PHLDB2: variants seen among roughly 807,000 people sequenced by gnomAD.
PHLDB2 encodes pleckstrin homology-like domain family B member 2.
PHLDB2 carries 71 observed loss-of-function variants against 123.6 expected under a neutral mutation model. The ratio of observed to expected loss-of-function variants is 0.57; its 90% CI spans 0.47 to 0.70. PHLDB2 has a LOEUF of 0.70. PHLDB2 is among the 30% of genes least tolerant of loss of function. The pLI, the probability that PHLDB2 is intolerant of heterozygous loss-of-function variation, is 0.00. For missense variants in PHLDB2, 1,446 were observed against 1,519.5 expected, an observed-to-expected ratio of 0.95 and a Z score of 0.80; for synonymous variants, 547 against 541.6, an observed-to-expected ratio of 1.01 and a Z score of -0.14.
At chr3:111,828,740 G>A (rs75496269) in intron 1 of PHLDB2, among the ~76,000 whole-genome samples, 88 of 152,192 alleles carry the variant, frequency 5.8e-4, no homozygotes, top group African/African-American at 2.1e-3. Context: ...CCAAGATTGC[G>A]CCACAGCACT....
At chr3:111,774,870 T>C (rs6800065) in intron 1 of PHLDB2, among the ~76,000 whole-genome samples, 40,658 of 151,986 alleles carry the variant, frequency 0.27, 6,887 homozygotes, top group African/African-American at 0.48. Context: ...CTCTGTGCTG[T>C]TGAGAAACCC....
intron 5 of PHLDB2, among the ~76,000 whole-genome samples, chr3:111,926,466 C>T (rs2068817314): frequency 6.6e-6 from 1 of 152,060 alleles, no homozygotes; most frequent in Admixed American, 6.6e-5. Context: ...AAGTTGGCTC[C>T]CTGGTCAGAG....
At chr3:111,794,372 G>A (rs1447570303) in intron 1 of PHLDB2, among the ~76,000 whole-genome samples, 1 of 152,158 alleles carries the variant, frequency 6.6e-6, no homozygotes, top group Non-Finnish European at 1.5e-5. Flanking sequence ...CTGCGGAATA[G>A]AGGAGGGGTG....
chr3:111,871,780 T>TTAG (rs1330882700), intron 1 of PHLDB2, among the ~76,000 whole-genome samples: 1 of 152,256 alleles, frequency 6.6e-6, no homozygotes, highest in Non-Finnish European at 1.5e-5. Flanking sequence ...TTGAAGGGGA[T>TTAG]TAGCTTCATT....
rs190599120 is a variant in PHLDB2, at chr3:111,802,168, T to C, written c.-48-43653T>C. On this transcript the variant is annotated intron_variant, in intron 1 of 17. Transcript: ENST00000393923. ...CCTAGTTCAGGCTTTCTCCAGTCTATCAAGCTACTGCACAGAAAACTGCAG... is the reference window on the plus strand; with the variant it reads ...CCTAGTTCAGGCTTTCTCCAGTCTACCAAGCTACTGCACAGAAAACTGCAG... Among the ~76,000 whole-genome samples the C allele has an allele frequency of 3.9e-3, 589 of 152,356 alleles. 2 individuals carry two copies. Among genetic ancestry groups the C allele is most frequent in the South Asian group, 0.012 (60 of 4,826 alleles).
At chr3:111,908,551 C>A (rs557563895) in intron 2 of PHLDB2, among the ~76,000 whole-genome samples, 11 of 152,284 alleles carry the variant, frequency 7.2e-5, no homozygotes, top group African/African-American at 2.6e-4. Context: ...CATGTTAGAG[C>A]AAGGCATGTG....
At chr3:111,940,427 T>A in intron 7 of PHLDB2, 108 bp from the exon 8 acceptor site, 1 of 552,470 alleles carries the variant, frequency 1.8e-6, no homozygotes. Context: ...TAAAATGTAG[T>A]CACTGTTATT....
At chr3:111,813,314 A>AAATC (rs1340140812) in intron 1 of PHLDB2, among the ~76,000 whole-genome samples, 1 of 152,204 alleles carries the variant, frequency 6.6e-6, no homozygotes, top group Non-Finnish European at 1.5e-5. Context: ...ATAAATAAAT[A>AAATC]AATCCATGTA....
In PHLDB2 at chr3:111,884,564, T is replaced by A. The variant is rs757064217; in HGVS notation, c.487T>A (p.Ser163Thr). 6.2e-7 allele frequency: 1 copy of A among 1,614,092 alleles called. No individual in the cohort carries two copies. Among genetic ancestry groups the A allele is most frequent in the South Asian group, 1.1e-5 (1 of 91,078 alleles). Residue 163 changes from serine to threonine, a missense_variant, in exon 2 of 18, where the codon TCT becomes ACT. This residue lies in a region of PHLDB2 where 832 missense variants were observed against 831.9 expected (regional missense o/e 1.00). Coordinates refer to ENST00000431670, the MANE Select transcript of PHLDB2 (RefSeq NM_001134438.2). ...GCATAAATCGCATGACAATGTCTAC[T>A]CTCTTGGAGGGCTGGAAGGTCGGAA... ...SRHKSHDNVY[S>T]LGGLEGRKAS...
At chr3:111,849,511 AC>A (rs1166188303) in intron 2 of PHLDB2, among the ~76,000 whole-genome samples, 1 of 152,192 alleles carries the variant, frequency 6.6e-6, no homozygotes, top group East Asian at 1.9e-4. Context: ...TAAATATAAT[AC>A]TAATACCGTA....
rs927843064 is a variant in PHLDB2, at chr3:111,967,754, A to G, written c.3245A>G (p.Gln1082Arg). The change falls in exon 15 of 18, where the codon CAG becomes CGG. Residue 1082 changes from glutamine (Q) to arginine (R), a missense_variant. Around this residue, in one of 3 missense-constraint regions of PHLDB2, gnomAD observed 594 missense variants for 646.0 expected, o/e 0.92. Transcript: ENST00000431670. ...RRREILEKRL[Q>R]EETSQRQKLI... ...CGGGAAATCCTGGAAAAACGATTAC[A>G]GGAAGAAACTAGCCAGAGGCAGAAG... 1.2e-6 allele frequency: 2 copies of G among 1,613,232 alleles called. No individual in the cohort carries two copies. The highest frequency in any genetic ancestry group is 1.1e-5 in the South Asian group (1 of 90,918).
At chr3:111,938,617 G>T (rs1408260465) in intron 6 of PHLDB2, among the ~76,000 whole-genome samples, 1 of 152,038 alleles carries the variant, frequency 6.6e-6, no homozygotes, top group East Asian at 1.9e-4. Context: ...TATGAAAGGG[G>T]TCTAATTTTT....
In PHLDB2 at chr3:111,831,029, GAAAGGAAGGAAGGAAGA is replaced by G. The variant is rs1559855364; in HGVS notation, c.-48-14789_-48-14773del. On this transcript the variant is annotated intron_variant, in intron 1 of 17. Transcript: ENST00000393923. ...AGAAAGAAAGAAAGAAAGAAAGAAA[GAAAGGAAGGAAGGAAGA>G]AAGAGAAAAGAGAGAGATAGAGAGA... Among the ~76,000 whole-genome samples, 62 of 81,916 alleles carry G rather than the reference GAAAGGAAGGAAGGAAGA, an allele frequency of 7.6e-4. 1 individual carries two copies. The highest frequency in any genetic ancestry group is 2.9e-3 in the African/African-American group (57 of 19,412). 53.7% of individuals were successfully genotyped at this position (81,916 alleles called of 152,430 possible).
intron 4 of PHLDB2, 115 bp downstream of exon 4, chr3:111,919,330 AT>A: frequency 9.3e-7 from 1 of 1,072,820 alleles, no homozygotes; most frequent in Non-Finnish European, 1.4e-6. Flanking sequence ...ACAAGCAAAC[AT>A]TTATTCAGTG....
intron 1 of PHLDB2, among the ~76,000 whole-genome samples, chr3:111,839,217 T>TAA (rs59581389): frequency 1.2e-3 from 182 of 152,246 alleles, no homozygotes; most frequent in African/African-American, 4.3e-3. Flanking sequence ...ACAAAAACAT[T>TAA]AGAGTCAGAA....
intron 1 of PHLDB2, among the ~76,000 whole-genome samples, chr3:111,798,682 AAAAATAAAAT>A (rs11276346): frequency 4.2e-5 from 6 of 144,538 alleles, no homozygotes; most frequent in African/African-American, 1.3e-4. Context: ...TGTCTCTAAT[AAAAATAAAAT>A]AAAATAAAAT....
At chr3:111,775,187 A>G (rs529061206) in intron 1 of PHLDB2, among the ~76,000 whole-genome samples, 27 of 152,126 alleles carry the variant, frequency 1.8e-4, no homozygotes, top group Non-Finnish European at 3.4e-4. Context: ...TATCATCATC[A>G]CCATCATTTA....
intron 9 of PHLDB2, among the ~76,000 whole-genome samples, chr3:111,947,636 A>G (rs1209096168): frequency 6.6e-6 from 1 of 152,196 alleles, no homozygotes; most frequent in Non-Finnish European, 1.5e-5. Context: ...AACTGAGCAA[A>G]AGAAAAACTC....
chr3:111,949,022 G>C lies in PHLDB2; in HGVS notation c.2578G>C (p.Val860Leu), dbSNP rs780304039. 6.2e-7 allele frequency: 1 copy of C among 1,613,830 alleles called. No individual in the cohort carries two copies. The highest frequency in any genetic ancestry group is 1.7e-5 in the Admixed American group (1 of 59,998). Residue 860 changes from valine (V) to leucine (L), a missense_variant, in exon 10 of 18, where the codon GTT becomes CTT. Around this residue, in one of 3 missense-constraint regions of PHLDB2, gnomAD observed 594 missense variants for 646.0 expected, o/e 0.92. Transcript: ENST00000431670. ...TCAGTTTCCTGCTGATGCTGATGCT[G>C]TTGCCACTGAGCCTGCCACAGCTGT... ...STQFPADADA[V>L]ATEPATAVLA...
Sources: gnomAD v4.1 joint callset for allele counts (sites outside exome capture counted in the v4.1 genomes callset) on GRCh38, gnomAD v4.1.1 for gene constraint, gnomAD v4.1.1 regional missense constraint, MANE v1.5 for transcripts, NCBI Gene and HGNC (gene_info 2026-07-23, HGNC 2026-07-21) for gene names.